Variants in IPP observed in about 807,000 individuals in gnomAD.
IPP encodes the protein actin-binding protein IPP.
Under a neutral mutation model 64.1 loss-of-function variants are expected in IPP, and 41 were observed. The observed-to-expected ratio is 0.64, with a 90% CI of 0.50 to 0.83. IPP has a LOEUF of 0.83. IPP is among the 40% of genes least tolerant of loss of function. IPP has a pLI of 0.00. For missense variants in IPP, 649 were observed against 703.0 expected (o/e 0.92, Z 0.87); for synonymous variants, 214 against 235.2 (o/e 0.91, Z 0.83).
rs1211977555 is a variant in IPP, at chr1:45,741,234, T to A, written c.391A>T (p.Lys131Ter). 3.7e-6 allele frequency: 6 copies of A among 1,614,064 alleles called. No individual in the cohort carries two copies. Among genetic ancestry groups the A allele is most frequent in the Non-Finnish European group, 5.1e-6 (6 of 1,180,016 alleles). ...EVVHLCCEFL[K>*]GQIDPLNCIG... ...CAGTTCAGTGGATCAATTTGTCCTT[T>A]CAGAAATTCACAGCAAAGATGAACA... Residue 131 changes from lysine to a stop codon, truncating the protein, a stop_gained, in exon 3 of 9, where the codon AAA (lysine) becomes TAA (stop). Coordinates refer to ENST00000396478, the MANE Select transcript of IPP (RefSeq NM_005897.3). LOFTEE classifies it high-confidence loss of function.
Position 45,700,203 on chromosome 1 carries a change from G to GAAAA in IPP, c.1531-17_1531-14dup, listed in dbSNP as rs550999501. On this transcript the variant is annotated splice_polypyrimidine_tract_variant and intron_variant, in intron 8 of 8. Coordinates refer to ENST00000396478, the MANE Select transcript of IPP (RefSeq NM_005897.3). ...CAACCCACTTTTCCTGGTTAAGAGAGAAAAAAAAAATATGTTAGCAGTGTT... is the reference window on the plus strand; with the variant it reads ...CAACCCACTTTTCCTGGTTAAGAGAGAAAAAAAAAAAAAATATGTTAGCAGTGTT... 2.0e-6 allele frequency: 3 copies of GAAAA among 1,475,006 alleles called. No homozygotes were observed. The highest frequency in any genetic ancestry group is 1.4e-5 in the African/African-American group (1 of 69,568). 91.4% of individuals were successfully genotyped at this position (1,475,006 alleles called of 1,614,324 possible).
At chr1:45,721,367 G>A (rs1021387393) in intron 5 of IPP, among the ~76,000 whole-genome samples, 1 of 152,190 alleles carries the variant, frequency 6.6e-6, no homozygotes, top group Non-Finnish European at 1.5e-5. Context: ...TATGTGCTAG[G>A]AAGAAGGAGG....
intron 5 of IPP, 104 bp downstream of exon 5, chr1:45,727,527 G>A (rs1645845566): frequency 3.5e-6 from 1 of 284,356 alleles, no homozygotes; most frequent in South Asian, 9.7e-5. Flanking sequence ...ACTTATTGAG[G>A]ACAATTAGAT....
At position 45,698,918 on chromosome 1, in the gene IPP, C is replaced by T. The variant is rs771104748; in HGVS notation, c.*1048G>A. 1 of 401,496 alleles carries T rather than the reference C, an allele frequency of 2.5e-6. No individual in the cohort carries two copies. Among genetic ancestry groups the T allele is most frequent in the Non-Finnish European group, 3.4e-6 (1 of 296,700 alleles). The allele number at this position is 401,496 out of a possible 1,614,324, so 24.9% of individuals were successfully genotyped here. On this transcript the variant is annotated 3_prime_UTR_variant, in exon 9 of 9. Coordinates refer to ENST00000396478, the MANE Select transcript of IPP (RefSeq NM_005897.3). ...ATATTTTTTGGTAGAGACGGAGTCT[C>T]ATCACGTTGCCCAGGCTAGTCTCGA...
rs748514878 is a variant in IPP at position 45,746,121 on chromosome 1, T to C, written c.291A>G (p.Thr97=). 2 of 1,609,626 alleles carry C rather than the reference T, an allele frequency of 1.2e-6. No homozygotes were observed. The highest frequency in any genetic ancestry group is 1.7e-6 in the Non-Finnish European group (2 of 1,176,134). Residue 97 remains threonine (T), a splice_region_variant and synonymous_variant, in exon 2 of 9, where the codon ACA becomes ACG. Coordinates refer to ENST00000396478, the MANE Select transcript of IPP (RefSeq NM_005897.3). The part of the protein sequence containing the change: ...IFQILLDFIY[T]GIVNIGVNNV... ...AAGCAACAGACTCATGTAACATACC[T>C]GTGTAAATGAAATCTAGAAGTATCT... is the stretch of plus-strand genomic sequence containing the variant.
intron 3 of IPP, among the ~76,000 whole-genome samples, chr1:45,737,515 C>T (rs1025231916): frequency 1.4e-5 from 2 of 142,374 alleles, no homozygotes; most frequent in Admixed American, 7.5e-5. Context: ...GGCTAGAGTA[C>T]GGTGGTACAA....
At chr1:45,722,203 G>A (rs546326517) in intron 5 of IPP, among the ~76,000 whole-genome samples, 81 of 152,150 alleles carry the variant, frequency 5.3e-4, no homozygotes, top group Non-Finnish European at 9.4e-4. Context: ...GCTGTGAGCC[G>A]AGACTGAGCC....
intron 3 of IPP, among the ~76,000 whole-genome samples, chr1:45,734,441 AT>A (rs1170312520): frequency 1.3e-5 from 2 of 150,390 alleles, no homozygotes; most frequent in Non-Finnish European, 3.0e-5. Flanking sequence ...TTTCTTCCTT[AT>A]TTTTTTTTCT....
At chr1:45,727,874 C>A (rs1645852810) in intron 4 of IPP, 76 bp from the exon 5 acceptor site, 3 of 1,061,520 alleles carry the variant, frequency 2.8e-6, no homozygotes, top group Middle Eastern at 2.3e-4. Context: ...TACTATATAA[C>A]AAGAAATAAA....
chr1:45,731,809 G>T (rs1042869464), intron 3 of IPP, among the ~76,000 whole-genome samples: 4 of 151,874 alleles, frequency 2.6e-5, no homozygotes, highest in Non-Finnish European at 5.9e-5. Flanking sequence ...GGTGGCACAT[G>T]CCTGTAATCT....
At chr1:45,730,357 T>TA (rs35622578) in intron 3 of IPP, among the ~76,000 whole-genome samples, 1,139 of 106,272 alleles carry the variant, frequency 0.011, 9 homozygotes, top group African/African-American at 0.033. Flanking sequence ...GTCTCAAAAA[T>TA]AAAAAAAAAA....
intron 8 of IPP, among the ~76,000 whole-genome samples, chr1:45,705,236 T>C (rs1414468001): frequency 6.6e-6 from 1 of 152,268 alleles, no homozygotes; most frequent in Non-Finnish European, 1.5e-5. Flanking sequence ...TTTAGTACTC[T>C]AAGTGTGTAC....
chr1:45,726,101 A>G (rs965017016), intron 5 of IPP, among the ~76,000 whole-genome samples: 1 of 151,046 alleles, frequency 6.6e-6, no homozygotes, highest in Non-Finnish European at 1.5e-5. Flanking sequence ...AAATAAATAA[A>G]TAAATAAATA....
intron 8 of IPP, among the ~76,000 whole-genome samples, chr1:45,706,434 C>G (rs1645513072): frequency 1.3e-5 from 2 of 152,026 alleles, no homozygotes; most frequent in African/African-American, 2.4e-5. Context: ...GATCTCATCT[C>G]TGAAAAAAAT....
downstream of IPP, among the ~76,000 whole-genome samples, chr1:45,696,576 T>G (rs1452194547): frequency 1.3e-5 from 2 of 152,038 alleles, no homozygotes; most frequent in East Asian, 3.9e-4. Flanking sequence ...AGGTCGGGAG[T>G]TCGAGTCAAG....
Position 45,699,582 on chromosome 1 carries a change from C to G in IPP, c.*384G>C, listed in dbSNP as rs556200422. ...GCATTTCTATTATTAGTAAACCTGG[C>G]AAATCTGTGTGAGCTCTTTATTAAT... On this transcript the variant is annotated 3_prime_UTR_variant, in exon 9 of 9. Transcript: ENST00000396478. 1 of 992,498 alleles carries G rather than the reference C, an allele frequency of 1.0e-6. No individual in the cohort carries two copies. Among genetic ancestry groups the G allele is most frequent in the Admixed American group, 5.8e-5 (1 of 17,362 alleles). The allele number at this position is 992,498 out of a possible 1,614,324, so 61.5% of individuals were successfully genotyped here.
At chr1:45,698,163 G>A (rs954382482), downstream of IPP, 6 of 149,974 alleles carry the variant, frequency 4.0e-5, no homozygotes, top group Admixed American at 2.7e-4. Flanking sequence ...ATGGTGGTGG[G>A]CGCCTGTAAT....
At chr1:45,711,631 G>A (rs1645591705) in intron 8 of IPP, among the ~76,000 whole-genome samples, 1 of 152,114 alleles carries the variant, frequency 6.6e-6, no homozygotes, top group African/African-American at 2.4e-5. Context: ...GCACATGCCT[G>A]TATTCCCAGC....
At chr1:45,728,086 T>C (rs1053750003) in intron 4 of IPP, among the ~76,000 whole-genome samples, 1 of 151,908 alleles carries the variant, frequency 6.6e-6, no homozygotes, top group Non-Finnish European at 1.5e-5. Context: ...ATTATAACTT[T>C]CATTAATGTC....
Sources: allele counts gnomAD v4.1 joint callset (sites outside exome capture counted in the v4.1 genomes callset), GRCh38; gene constraint gnomAD v4.1.1; transcripts MANE v1.5; gene names NCBI Gene and HGNC (gene_info 2026-07-23, HGNC 2026-07-21).